IQSEC1: variants seen among roughly 807,000 people sequenced by gnomAD.
IQSEC1 encodes the protein IQ motif and Sec7 domain ArfGEF 1.
In IQSEC1, 31 loss-of-function variants were observed where a neutral mutation model predicts 91.0. The ratio of observed to expected loss-of-function variants is 0.34; its 90% CI spans 0.26 to 0.46. IQSEC1 has a LOEUF of 0.46. Among genes scored for constraint, IQSEC1 ranks in the 20% least tolerant of loss-of-function variants. IQSEC1 has a pLI of 1.00. For synonymous variants in IQSEC1, 699 were observed against 662.6 expected, an observed-to-expected ratio of 1.05 and a Z score of -0.84; for missense variants, 1,388 against 1,575.6, an observed-to-expected ratio of 0.88 and a Z score of 2.02.
chr3:12,991,554 CA>C (rs1470716068), intron 1 of IQSEC1, among the ~76,000 whole-genome samples: 3 of 152,308 alleles, frequency 2.0e-5, no homozygotes, highest in Admixed American at 1.3e-4. Context: ...TTATGAGGGG[CA>C]GGGGGAGTGA....
In IQSEC1 at chr3:13,118,699, C is replaced by CA. The variant is rs1488540769; in HGVS notation, c.302+45404dup. Among the ~76,000 whole-genome samples, 13 of 152,128 alleles carry CA rather than the reference C, an allele frequency of 8.5e-5. No individual in the cohort carries two copies. The East Asian group carries it at 1.9e-3, about 23-fold the overall frequency. ...TGTTTAATGGAGACAGTTTCAGCTGCAAAAAAAGAACGAGTTCTGGAGATG... is the reference window on the plus strand; with the variant it reads ...TGTTTAATGGAGACAGTTTCAGCTGCAAAAAAAAGAACGAGTTCTGGAGATG... On this transcript the variant is annotated intron_variant, in intron 2 of 15. Transcript: ENST00000648114.
chr3:13,222,491 G>T (rs1007501553), intron 1 of IQSEC1, among the ~76,000 whole-genome samples: 12 of 152,146 alleles, frequency 7.9e-5, no homozygotes, highest in African/African-American at 2.9e-4. Flanking sequence ...TGAGAAGTGG[G>T]ATTGCCGGAT....
At chr3:13,107,092 C>T (rs1706163659) in intron 2 of IQSEC1, among the ~76,000 whole-genome samples, 1 of 152,192 alleles carries the variant, frequency 6.6e-6, no homozygotes. Flanking sequence ...ATCTCATGGC[C>T]CGTGTCCTTT....
intron 2 of IQSEC1, among the ~76,000 whole-genome samples, chr3:13,086,196 C>T (rs1165151382): frequency 1.3e-5 from 2 of 152,232 alleles, no homozygotes; most frequent in African/African-American, 2.4e-5. Flanking sequence ...GGGCTGCTGA[C>T]TCTGAGTCTT....
intron 1 of IQSEC1, among the ~76,000 whole-genome samples, chr3:13,189,245 G>A (rs1268614717): frequency 6.6e-6 from 1 of 152,216 alleles, no homozygotes; most frequent in African/African-American, 2.4e-5. Flanking sequence ...CTGGGCTAAG[G>A]ACCTCTGACC....
chr3:12,921,346 G>C (rs966594727), intron 5 of IQSEC1, among the ~76,000 whole-genome samples: 1 of 152,174 alleles, frequency 6.6e-6, no homozygotes, highest in African/African-American at 2.4e-5. Flanking sequence ...TCCTCCCTCT[G>C]TGTCCTCGAT....
At chr3:13,009,680 T>C (rs1702793098) in intron 1 of IQSEC1, among the ~76,000 whole-genome samples, 1 of 151,944 alleles carries the variant, frequency 6.6e-6, no homozygotes, top group Non-Finnish European at 1.5e-5. Flanking sequence ...TGTGTGTGTG[T>C]GTGTGTGTAT....
At chr3:13,265,155 C>A (rs192721117) in intron 1 of IQSEC1, among the ~76,000 whole-genome samples, 1 of 152,224 alleles carries the variant, frequency 6.6e-6, no homozygotes, top group Non-Finnish European at 1.5e-5. Flanking sequence ...GCCTCCTCCT[C>A]GGCCCGTGCA....
intron 1 of IQSEC1, among the ~76,000 whole-genome samples, chr3:13,229,641 C>A (rs1451416598): frequency 6.6e-6 from 1 of 152,178 alleles, no homozygotes; most frequent in East Asian, 1.9e-4. Context: ...GGCAGGTGGA[C>A]TCACACCCAT....
intron 1 of IQSEC1, among the ~76,000 whole-genome samples, chr3:13,210,873 A>G (rs1281776810): frequency 1.3e-5 from 2 of 152,214 alleles, no homozygotes; most frequent in Non-Finnish European, 2.9e-5. Flanking sequence ...GGCACGGCCC[A>G]CTGTGGACTG....
chr3:13,001,243 G>A (rs62242717), intron 1 of IQSEC1, among the ~76,000 whole-genome samples: 18,050 of 152,128 alleles, frequency 0.12, 1,126 homozygotes, highest in Non-Finnish European at 0.13. Context: ...TTACAGGCAT[G>A]AGCCACCATG....
intron 12 of IQSEC1, among the ~76,000 whole-genome samples, chr3:12,905,426 C>G (rs1428656309): frequency 6.6e-6 from 1 of 152,246 alleles, no homozygotes; most frequent in Non-Finnish European, 1.5e-5. Flanking sequence ...GAAATGATAG[C>G]TATGCACACT....
At chr3:13,047,322 T>A (rs1320630942) in intron 1 of IQSEC1, among the ~76,000 whole-genome samples, 1 of 152,174 alleles carries the variant, frequency 6.6e-6, no homozygotes, top group East Asian at 1.9e-4. Flanking sequence ...TCAGGGGACA[T>A]ATCAGTAGTA....
In IQSEC1 at chr3:13,259,014, C is replaced by A. The variant is rs1695338011; in HGVS notation, c.272+23697G>T. ...ATCTTTCCCCTGGGCCTCAGCACAGCCCCTACCCTCTTTCCCTATAGTCTA... is the reference window on the plus strand; with the variant it reads ...ATCTTTCCCCTGGGCCTCAGCACAGACCCTACCCTCTTTCCCTATAGTCTA... On this transcript the variant is annotated intron_variant, in intron 1 of 15. Coordinates refer to the IQSEC1 transcript ENST00000648114. This position sits in a 1 kb window ranked among gnomAD's most constrained non-coding sequence, Gnocchi z 4.6. Among the ~76,000 whole-genome samples the A allele has an allele frequency of 6.6e-6, 1 of 151,994 alleles. No individual in the cohort carries two copies. The highest frequency in any genetic ancestry group is 1.5e-5 in the Non-Finnish European group (1 of 68,010).
At chr3:13,126,814 A>C (rs1706519858) in intron 2 of IQSEC1, among the ~76,000 whole-genome samples, 1 of 152,256 alleles carries the variant, frequency 6.6e-6, no homozygotes, top group Admixed American at 6.5e-5. Context: ...TTTGCAGGGC[A>C]AAAGTTTTCA....
At chr3:13,149,211 C>T (rs373388384) in intron 2 of IQSEC1, among the ~76,000 whole-genome samples, 4 of 152,238 alleles carry the variant, frequency 2.6e-5, no homozygotes, top group African/African-American at 9.6e-5. Flanking sequence ...CACAGCAGGG[C>T]TGTGAGGTGG....
intron 1 of IQSEC1, among the ~76,000 whole-genome samples, chr3:13,057,878 G>A (rs1704932751): frequency 6.6e-6 from 1 of 152,208 alleles, no homozygotes; most frequent in Non-Finnish European, 1.5e-5. Context: ...CTACATGAAA[G>A]GAAAATCTGC....
intron 1 of IQSEC1, among the ~76,000 whole-genome samples, chr3:13,198,021 G>A (rs1024082042): frequency 7.2e-5 from 11 of 152,186 alleles, no homozygotes; most frequent in Admixed American, 5.2e-4. Context: ...CTGTGGCCCC[G>A]GGGCAGGGCT....
At chr3:13,129,367 C>T (rs940957354) in intron 2 of IQSEC1, among the ~76,000 whole-genome samples, 1 of 152,118 alleles carries the variant, frequency 6.6e-6, no homozygotes, top group Admixed American at 6.5e-5. Context: ...TGTCTTTTCT[C>T]GTTTTCTTCT....
Sources: gnomAD v4.1 joint callset for allele counts (sites outside exome capture counted in the v4.1 genomes callset) on GRCh38, gnomAD v4.1.1 for gene constraint, Gnocchi (gnomAD v3.1) non-coding constraint, MANE v1.5 for transcripts, NCBI Gene and HGNC (gene_info 2026-07-23, HGNC 2026-07-21) for gene names.